The following AKAP19 variants were observed in gnomAD, a reference collection of about 807,000 sequenced individuals.
AKAP19 encodes the protein small A-kinase anchoring protein.
the AKAP19 span, chr2:190,057,172 C>G: frequency 6.9e-7 from 1 of 1,451,852 alleles, no homozygotes. Flanking sequence ...AGGCCTATAG[C>G]CTGTGGTACT....
chr2:190,066,261 A>G, the AKAP19 span, among the ~76,000 whole-genome samples: 1 of 152,136 alleles, frequency 6.6e-6, no homozygotes, highest in South Asian at 2.1e-4. Context: ...TCTGTTACAA[A>G]TACTCACTGG....
chr2:190,113,739 C>T, the AKAP19 span, among the ~76,000 whole-genome samples: 1 of 152,188 alleles, frequency 6.6e-6, no homozygotes, highest in African/African-American at 2.4e-5. Flanking sequence ...AGAAGTCCCT[C>T]CCTGGTGGAT....
chr2:190,151,359 C>T, the AKAP19 span, among the ~76,000 whole-genome samples: 20 of 152,178 alleles, frequency 1.3e-4, no homozygotes, highest in African/African-American at 4.6e-4. Context: ...CTGATGCTCT[C>T]CCTTTCCCCA....
chr2:190,194,477 T>TACAC, the AKAP19 span, among the ~76,000 whole-genome samples: 5,049 of 141,384 alleles, frequency 0.036, 91 homozygotes, highest in South Asian at 0.045. Context: ...ATCCTGTGTA[T>TACAC]ACACACACAC....
the AKAP19 span, chr2:190,062,735 A>G: frequency 4.7e-5 from 35 of 752,282 alleles, no homozygotes; most frequent in African/African-American, 5.7e-4. Context: ...AATCTTTTAT[A>G]CTGTATTCCA....
At chr2:189,886,603 G>A in the AKAP19 span, among the ~76,000 whole-genome samples, 3 of 152,170 alleles carry the variant, frequency 2.0e-5, no homozygotes, top group Non-Finnish European at 4.4e-5. Flanking sequence ...GAATAGAAAT[G>A]CAGGAGGGAT....
the AKAP19 span, chr2:190,199,708 A>G: frequency 6.8e-7 from 1 of 1,460,040 alleles, no homozygotes; most frequent in Non-Finnish European, 9.0e-7. Flanking sequence ...TAAACACTAC[A>G]CGTGAAGAGT....
chr2:189,896,812 TAAAG>T, the AKAP19 span, among the ~76,000 whole-genome samples: 1 of 152,032 alleles, frequency 6.6e-6, no homozygotes, highest in African/African-American at 2.4e-5. Flanking sequence ...CCCCAAAGGA[TAAAG>T]AAAGAGAAAC....
the AKAP19 span, among the ~76,000 whole-genome samples, chr2:189,984,052 C>T: frequency 2.6e-5 from 4 of 152,072 alleles, no homozygotes; most frequent in African/African-American, 9.7e-5. Flanking sequence ...CAAGTGGAGG[C>T]AGGACGAGAT....
At chr2:190,164,785 A>G in the AKAP19 span, among the ~76,000 whole-genome samples, 1 of 152,310 alleles carries the variant, frequency 6.6e-6, no homozygotes, top group African/African-American at 2.4e-5. Context: ...TTCATAGGCT[A>G]AAAAAGAATA....
the AKAP19 span, among the ~76,000 whole-genome samples, chr2:190,034,856 C>CAAA: frequency 5.0e-4 from 34 of 68,564 alleles, no homozygotes; most frequent in African/African-American, 1.1e-3. Flanking sequence ...CCTGTCTCAC[C>CAAA]AAAAAAAAAA....
the AKAP19 span, among the ~76,000 whole-genome samples, chr2:190,146,185 A>AG: frequency 6.6e-6 from 1 of 152,100 alleles, no homozygotes; most frequent in South Asian, 2.1e-4. Context: ...CCCAAAGTCC[A>AG]TTGTATCATT....
At chr2:189,989,896 G>A in the AKAP19 span, among the ~76,000 whole-genome samples, 12,574 of 152,032 alleles carry the variant, frequency 0.083, 1,470 homozygotes, top group African/African-American at 0.25. Flanking sequence ...CTGAGTTCAC[G>A]GATTGGAAGA....
At chr2:190,039,897 C>A in the AKAP19 span, among the ~76,000 whole-genome samples, 15,312 of 152,102 alleles carry the variant, frequency 0.1, 2,075 homozygotes, top group African/African-American at 0.31. Flanking sequence ...ATATATGTAA[C>A]CACATTTTCT....
At chr2:189,900,133 T>C in the AKAP19 span, among the ~76,000 whole-genome samples, 78 of 152,360 alleles carry the variant, frequency 5.1e-4, no homozygotes, top group African/African-American at 1.7e-3. Flanking sequence ...ATGAATTTGC[T>C]AACAACTTAA....
At chr2:190,104,868 G>T in the AKAP19 span, among the ~76,000 whole-genome samples, 2 of 152,046 alleles carry the variant, frequency 1.3e-5, no homozygotes, top group Admixed American at 6.6e-5. Flanking sequence ...CAAACAAGTG[G>T]CCAACAAACA....
the AKAP19 span, among the ~76,000 whole-genome samples, chr2:189,976,613 G>C: frequency 2.0e-5 from 3 of 152,340 alleles, no homozygotes; most frequent in East Asian, 1.9e-4. Flanking sequence ...CTTGAGCTGC[G>C]GTGGGTTCCA....
At chr2:190,114,552 T>C in the AKAP19 span, among the ~76,000 whole-genome samples, 5 of 152,318 alleles carry the variant, frequency 3.3e-5, no homozygotes, top group South Asian at 1.0e-3. Flanking sequence ...ACCTCCTGGA[T>C]TCACGCCATT....
the AKAP19 span, among the ~76,000 whole-genome samples, chr2:189,966,609 C>T: frequency 6.6e-6 from 1 of 152,094 alleles, no homozygotes; most frequent in Non-Finnish European, 1.5e-5. Flanking sequence ...TGTTCTGTAA[C>T]CTGATTCTGG....
Sources: gnomAD v4.1 joint callset for allele counts (sites outside exome capture counted in the v4.1 genomes callset) on GRCh38, gnomAD v4.1.1 for gene constraint, MANE v1.5 for transcripts, NCBI Gene and HGNC (gene_info 2026-07-23, HGNC 2026-07-21) for gene names.